HSD17B3: variants seen among roughly 807,000 people sequenced by gnomAD.
HSD17B3 encodes hydroxysteroid 17-beta dehydrogenase 3.
HSD17B3 carries 29 observed loss-of-function variants against 41.1 expected under a neutral mutation model. The observed-to-expected ratio is 0.71, with a 90% confidence interval of 0.53 to 0.96. The LOEUF (loss-of-function observed/expected upper bound fraction) is 0.96. Ranked by LOEUF, HSD17B3 falls within the 40% of genes least tolerant of loss-of-function variation. The probability of loss-of-function intolerance (pLI) is 0.00; values close to 1 mark genes in which losing one functional copy is unlikely to be tolerated. For missense variants in HSD17B3, 323 were observed against 374.6 expected (o/e 0.86, Z 1.14); for synonymous variants, 126 against 145.6 (o/e 0.87, Z 0.97).
At chr9:96,278,026 C>G (rs1411434867) in intron 2 of HSD17B3, among the ~76,000 whole-genome samples, 1 of 152,144 alleles carries the variant, frequency 6.6e-6, no homozygotes, top group Non-Finnish European at 1.5e-5. Flanking sequence ...TATGTGGAAT[C>G]TAAAACAGTC....
intron 2 of HSD17B3, among the ~76,000 whole-genome samples, chr9:96,298,192 A>G (rs1827437472): frequency 6.6e-6 from 1 of 152,240 alleles, no homozygotes; most frequent in African/African-American, 2.4e-5. Flanking sequence ...TTCCCAAAAC[A>G]ATCCCTAAGG....
At chr9:96,299,687 C>A (rs1827499526) in intron 1 of HSD17B3, among the ~76,000 whole-genome samples, 1 of 152,108 alleles carries the variant, frequency 6.6e-6, no homozygotes, top group African/African-American at 2.4e-5. Flanking sequence ...TGATTAAGGT[C>A]ACACTGCTAA....
At chr9:96,266,515 C>A (rs1826048561) in intron 2 of HSD17B3, among the ~76,000 whole-genome samples, 1 of 152,126 alleles carries the variant, frequency 6.6e-6, no homozygotes, top group Non-Finnish European at 1.5e-5. Context: ...AGCTATCCTC[C>A]TGCCGCAGCC....
At chr9:96,263,079 A>C (rs893821342) in intron 2 of HSD17B3, among the ~76,000 whole-genome samples, 9 of 152,218 alleles carry the variant, frequency 5.9e-5, no homozygotes, top group Admixed American at 2.0e-4. Context: ...AGTCTCAGTG[A>C]CTTCGTACAA....
intron 2 of HSD17B3, among the ~76,000 whole-genome samples, chr9:96,292,168 A>AT (rs1827184030): frequency 6.6e-6 from 1 of 152,108 alleles, no homozygotes; most frequent in East Asian, 1.9e-4. Context: ...GAACTTGAAG[A>AT]TTAAAAAAAA....
At chr9:96,294,774 A>C (rs1301838534) in intron 2 of HSD17B3, among the ~76,000 whole-genome samples, 1 of 152,234 alleles carries the variant, frequency 6.6e-6, no homozygotes, top group African/African-American at 2.4e-5. Context: ...AATGGAAGAC[A>C]CATTGTTTTG....
At chr9:96,241,727 G>A (rs1237421032) in intron 9 of HSD17B3, among the ~76,000 whole-genome samples, 1 of 152,102 alleles carries the variant, frequency 6.6e-6, no homozygotes, top group East Asian at 1.9e-4. Context: ...TTGAGCCCAG[G>A]AGTGCGAGAC....
intron 1 of HSD17B3, 97 bp from the exon 2 acceptor site, chr9:96,298,559 G>A: frequency 1.0e-6 from 1 of 984,604 alleles, no homozygotes. Context: ...CTCCAGGGCA[G>A]TCAGTACTCC....
chr9:96,242,677 G>A (rs1304069795), intron 9 of HSD17B3, among the ~76,000 whole-genome samples: 1 of 152,150 alleles, frequency 6.6e-6, no homozygotes, highest in Non-Finnish European at 1.5e-5. Flanking sequence ...CAAGTTCTCT[G>A]CATCAGGGAA....
intron 9 of HSD17B3, 100 bp downstream of exon 9, chr9:96,244,229 T>C (rs893458894): frequency 8.5e-7 from 1 of 1,170,308 alleles, no homozygotes; most frequent in Admixed American, 1.7e-5. Flanking sequence ...CAGGAGGCAG[T>C]GGCCCCAGCC....
intron 2 of HSD17B3, among the ~76,000 whole-genome samples, chr9:96,267,604 A>T (rs1371873091): frequency 2.0e-5 from 3 of 152,178 alleles, no homozygotes; most frequent in African/African-American, 7.2e-5. Flanking sequence ...TAAGAAATTG[A>T]AAAAGAAAAT....
chr9:96,276,107 T>TAAAAAAAAAAAAAAAAAAAAAAA (rs57386167), intron 2 of HSD17B3, among the ~76,000 whole-genome samples: 1 of 41,152 alleles, frequency 2.4e-5, no homozygotes, highest in Non-Finnish European at 4.3e-5. Context: ...TCCTGTCTCA[T>TAAAAAAAAAAAAAAAAAAAAAAA]AAAAAAAAAA....
rs1564023344 is a variant in HSD17B3, at chr9:96,241,967, AAGAAAG to A, written c.673-1066_673-1061del. On this transcript the variant is annotated intron_variant, in intron 9 of 10. Coordinates refer to ENST00000375263, the MANE Select transcript of HSD17B3 (RefSeq NM_000197.2). The stretch of plus-strand genomic sequence containing the variant: ...AAAAAAAGAAAAGAACAGAAAAAGA[AAGAAAG>A]AAAGAAAGAAAGAAAGAAAGAAAGA... Among the ~76,000 whole-genome samples, 154 of 145,506 alleles carry A rather than the reference AAGAAAG, an allele frequency of 1.1e-3. 2 individuals carry two copies. The highest frequency in any genetic ancestry group is 0.01 in the Middle Eastern group (3 of 288).
At chr9:96,287,205 G>C (rs1042753613) in intron 2 of HSD17B3, among the ~76,000 whole-genome samples, 2 of 152,180 alleles carry the variant, frequency 1.3e-5, no homozygotes, top group Non-Finnish European at 2.9e-5. Context: ...CTTACCTGTT[G>C]CCAGTGTTCC....
chr9:96,289,010 G>A (rs1218866358), intron 2 of HSD17B3, among the ~76,000 whole-genome samples: 1 of 151,806 alleles, frequency 6.6e-6, no homozygotes, highest in Non-Finnish European at 1.5e-5. Flanking sequence ...TCAGGAGGCT[G>A]AGGTGAGAGG....
intron 9 of HSD17B3, among the ~76,000 whole-genome samples, chr9:96,241,952 A>C (rs1045080203): frequency 2.1e-5 from 3 of 144,356 alleles, no homozygotes; most frequent in African/African-American, 5.1e-5. Flanking sequence ...AAAAAAAGAA[A>C]AGAACAGAAA....
At chr9:96,262,286 C>A (rs1046564209) in intron 2 of HSD17B3, among the ~76,000 whole-genome samples, 4 of 127,954 alleles carry the variant, frequency 3.1e-5, no homozygotes, top group Non-Finnish European at 6.3e-5. Context: ...CTGTGTCGCC[C>A]AGGCTAGAGT....
chr9:96,259,415 G>A (rs1333866626), intron 2 of HSD17B3, among the ~76,000 whole-genome samples: 1 of 152,100 alleles, frequency 6.6e-6, no homozygotes, highest in Non-Finnish European at 1.5e-5. Context: ...ATCATAGAAG[G>A]GAATACATTC....
rs764858531 is a variant in HSD17B3, at chr9:96,235,434, G to A, written c.*26C>T. ...CCAGCATGGGACTGGTGAGGAAAAGGTTGTGCTGGACTCCTCACCGCCTGG... is the reference window on the plus strand; with the variant it reads ...CCAGCATGGGACTGGTGAGGAAAAGATTGTGCTGGACTCCTCACCGCCTGG... On this transcript the variant is annotated 3_prime_UTR_variant, in exon 11 of 11. Coordinates refer to ENST00000375263, the MANE Select transcript of HSD17B3 (RefSeq NM_000197.2). 47 of 1,515,176 alleles carry A rather than the reference G, an allele frequency of 3.1e-5. No individual in the cohort carries two copies. Among genetic ancestry groups the A allele is most frequent in the Non-Finnish European group, 4.2e-5 (46 of 1,094,078 alleles). The allele number at this position is 1,515,176 out of a possible 1,614,324, so 93.9% of individuals were successfully genotyped here. A position where few individuals can be genotyped will look rare whatever the true frequency, so the allele number is the denominator to read the frequency against.
Sources: gnomAD v4.1 joint callset for allele counts (sites outside exome capture counted in the v4.1 genomes callset) on GRCh38, gnomAD v4.1.1 for gene constraint, MANE v1.5 for transcripts, NCBI Gene and HGNC (gene_info 2026-07-23, HGNC 2026-07-21) for gene names.